The following POU2F2 variants were observed in gnomAD, a reference collection of about 807,000 sequenced individuals.
POU2F2 encodes the protein POU class 2 homeobox 2.
Under a neutral mutation model 63.5 loss-of-function variants are expected in POU2F2, and 14 were observed. The observed-to-expected ratio is 0.22, with a 90% CI of 0.15 to 0.34. POU2F2 has a LOEUF of 0.34. Among genes scored for constraint, POU2F2 ranks in the 10% least tolerant of loss-of-function variants. POU2F2 has a pLI of 1.00. For synonymous variants in POU2F2, 306 were observed against 348.6 expected, an observed-to-expected ratio of 0.88 and a Z score of 1.36; for missense variants, 607 against 815.2, an observed-to-expected ratio of 0.74 and a Z score of 3.11.
At chr19:42,188,115 G>A (rs555316110) in intron 1 of POU2F2, among the ~76,000 whole-genome samples, 7 of 151,598 alleles carry the variant, frequency 4.6e-5, no homozygotes, top group East Asian at 3.9e-4. Context: ...CTATAATCCC[G>A]GCACTTTCGG....
rs191407362 is a variant in POU2F2 at position 42,190,874 on chromosome 19, G to A, written c.-70+5509C>T. 4.2e-3 allele frequency among the ~76,000 whole-genome samples: 635 copies of A among 152,036 alleles called. 5 individuals carry two copies. Among genetic ancestry groups the A allele is most frequent in the South Asian group, 0.017 (80 of 4,816 alleles). On this transcript the variant is annotated intron_variant, in intron 1 of 5. Transcript: ENST00000532176. ...TTAAATTAACACCTATAGATGTAAC[G>A]GTAAAGTGGATTTTAGCATAGGTCT...
At chr19:42,098,628 G>A (rs2077014066) in intron 7 of POU2F2, among the ~76,000 whole-genome samples, 1 of 152,154 alleles carries the variant, frequency 6.6e-6, no homozygotes, top group African/African-American at 2.4e-5. Context: ...AGTCAAATGA[G>A]TTCTCATGCC....
At chr19:42,098,750 A>G (rs1042320694) in intron 7 of POU2F2, among the ~76,000 whole-genome samples, 25 of 152,216 alleles carry the variant, frequency 1.6e-4, no homozygotes, top group Non-Finnish European at 4.4e-5. Flanking sequence ...GTTCACATAT[A>G]TTTTTTTAAA....
At chr19:42,106,179 C>T (rs1302717652) in intron 5 of POU2F2, among the ~76,000 whole-genome samples, 1 of 151,750 alleles carries the variant, frequency 6.6e-6, no homozygotes, top group Non-Finnish European at 1.5e-5. Flanking sequence ...TTGCTTGGCT[C>T]ACTGCAACCT....
intron 5 of POU2F2, among the ~76,000 whole-genome samples, chr19:42,111,353 G>A (rs935825927): frequency 3.3e-5 from 5 of 151,618 alleles, no homozygotes; most frequent in African/African-American, 7.3e-5. Context: ...GCCTCAAGCC[G>A]TCCTCCTGCT....
chr19:42,106,054 C>CTTTCT (rs2029907708), intron 5 of POU2F2, among the ~76,000 whole-genome samples: 1 of 85,314 alleles, frequency 1.2e-5, no homozygotes, highest in Non-Finnish European at 2.5e-5. Context: ...TTTCTTTCTT[C>CTTTCT]TTTCTTTCTT....
upstream of POU2F2, among the ~76,000 whole-genome samples, chr19:42,178,986 C>T (rs1203549040): frequency 1.3e-5 from 2 of 151,820 alleles, no homozygotes; most frequent in African/African-American, 4.8e-5. Flanking sequence ...GAGAAAGGCA[C>T]TGGAAGAGGC....
chr19:42,152,556 C>T lies in POU2F2; in HGVS notation c.-9+7776G>A, dbSNP rs1484205755. 2.0e-5 allele frequency: 3 copies of T among 153,032 alleles called. No homozygotes were observed. The highest frequency in any genetic ancestry group is 2.9e-5 in the Non-Finnish European group (2 of 68,778). 9.5% of individuals were successfully genotyped at this position (153,032 alleles called of 1,614,324 possible). On this transcript the variant is annotated intron_variant, in intron 2 of 6. Transcript: ENST00000524801. This position sits in a 1 kb window ranked among gnomAD's most constrained non-coding sequence, Gnocchi z 4.1. ...CCTCTGCCTCTCTCTCTCTCCCTTG[C>T]TTGCCTTGCTTCCTTTTCCCGGAGC...
chr19:42,114,433 C>T (rs977049122), intron 5 of POU2F2, among the ~76,000 whole-genome samples: 5 of 152,136 alleles, frequency 3.3e-5, no homozygotes, highest in African/African-American at 1.2e-4. Context: ...AGGGAGCAGA[C>T]TTCCCGGGAA....
Position 42,147,666 on chromosome 19 carries a change from G to A in POU2F2, c.-9+12666C>T, listed in dbSNP as rs116394848. On this transcript the variant is annotated intron_variant, in intron 2 of 6. Transcript: ENST00000524801. The stretch of plus-strand genomic sequence containing the variant: ...CCTGAGGCAGAGTACTTAAGTCTTC[G>A]AAGCCTCAGTTTCCACTTCTGTAAA... 6.7e-3 allele frequency among the ~76,000 whole-genome samples: 1,014 copies of A among 152,264 alleles called. 14 individuals carry two copies. The highest frequency in any genetic ancestry group is 0.023 in the African/African-American group (968 of 41,554).
chr19:42,166,047 G>A (rs1220688647), intron 1 of POU2F2, among the ~76,000 whole-genome samples: 1 of 152,240 alleles, frequency 6.6e-6, no homozygotes, highest in African/African-American at 2.4e-5. Context: ...GCTCCCATTA[G>A]GTTGGTAAAG....
chr19:42,111,139 A>G (rs2031018296), intron 5 of POU2F2, among the ~76,000 whole-genome samples: 1 of 151,410 alleles, frequency 6.6e-6, no homozygotes, highest in Non-Finnish European at 1.5e-5. Context: ...TTCTTTGGAG[A>G]CAGGGTCTTA....
intron 14 of POU2F2, 81 bp downstream of exon 14, chr19:42,091,786 T>C (rs1326548751): frequency 4.5e-6 from 7 of 1,545,972 alleles, no homozygotes; most frequent in Non-Finnish European, 6.1e-6. Context: ...CAGGATGGCA[T>C]GGCTGGAGCA....
chr19:42,195,083 GAGGAAGGGAGGAAGGA>G (rs2035123592), intron 1 of POU2F2, among the ~76,000 whole-genome samples: 1 of 11,564 alleles, frequency 8.6e-5, no homozygotes, highest in Non-Finnish European at 2.2e-4. Context: ...GGAAGGGAGG[GAGGAAGGGAGGAAGGA>G]AGGGAGGGAG....
At position 42,091,902 on chromosome 19, in the gene POU2F2, G is replaced by C; in HGVS notation, c.1505C>G (p.Ala502Gly). Reference sequence around the variant, plus strand: ...GGCCAAAGGGTTGTTGCTCATGAGGGCTGGACTCAGCCCGGAGCTCAACCC... The same window carrying C: ...GGCCAAAGGGTTGTTGCTCATGAGGCCTGGACTCAGCCCGGAGCTCAACCC... ...MVGLSSGLSP[A>G]LMSNNPLATI... The change falls in exon 14 of 15, where the codon GCC becomes GGC. Residue 502 changes from alanine to glycine, a missense_variant. By Grantham distance (60) the Ala-to-Gly change is moderately conservative. Transcript: ENST00000692977. 6.5e-7 allele frequency: 1 copy of C among 1,540,152 alleles called. No homozygotes were observed. The highest frequency in any genetic ancestry group is 1.2e-5 in the South Asian group (1 of 84,062).
chr19:42,096,605 T>C lies in POU2F2; in HGVS notation c.568-362A>G, dbSNP rs1335452851. 1.3e-5 allele frequency among the ~76,000 whole-genome samples: 2 copies of C among 152,238 alleles called. No individual in the cohort carries two copies. The highest frequency in any genetic ancestry group is 6.5e-5 in the Admixed American group (1 of 15,280). ...TCATCTCAACCTGGGAATCAGGGACTGGCCCTGCCACCAAATCACTGCTTA... is the reference window on the plus strand; with the variant it reads ...TCATCTCAACCTGGGAATCAGGGACCGGCCCTGCCACCAAATCACTGCTTA... On this transcript the variant is annotated intron_variant, in intron 7 of 14. Transcript: ENST00000692977. This position sits in a 1 kb window ranked among gnomAD's most constrained non-coding sequence, Gnocchi z 4.1.
intron 1 of POU2F2, among the ~76,000 whole-genome samples, chr19:42,126,299 C>T (rs183016449): frequency 1.1e-4 from 16 of 151,926 alleles, no homozygotes; most frequent in Admixed American, 3.3e-4. Context: ...AAAAATTAGC[C>T]GGGCATGGTA....
chr19:42,131,643 G>A (rs944867943), intron 1 of POU2F2, among the ~76,000 whole-genome samples: 7 of 152,226 alleles, frequency 4.6e-5, no homozygotes, highest in African/African-American at 1.7e-4. Flanking sequence ...TGTTCACTCA[G>A]CCAACTGACA....
upstream of POU2F2, among the ~76,000 whole-genome samples, chr19:42,176,408 C>G (rs537737691): frequency 2.0e-5 from 3 of 152,166 alleles, no homozygotes; most frequent in African/African-American, 4.8e-5. Context: ...TGCCTCTTTC[C>G]TCAGCTCTGC....
Sources: allele counts gnomAD v4.1 joint callset (sites outside exome capture counted in the v4.1 genomes callset), GRCh38; gene constraint gnomAD v4.1.1; non-coding constraint Gnocchi (gnomAD v3.1); transcripts MANE v1.5; gene names NCBI Gene and HGNC (gene_info 2026-07-23, HGNC 2026-07-21).